The following WDR86 variants were observed in gnomAD, a reference collection of about 807,000 sequenced individuals.
The protein encoded by WDR86 is WD repeat domain 86.
In WDR86, 30 loss-of-function variants were observed where a neutral mutation model predicts 36.5. That is an observed-to-expected ratio of 0.82 (90% confidence interval 0.61 to 1.11). The LOEUF (loss-of-function observed/expected upper bound fraction) is 1.11, where lower values mean the gene tolerates loss of function less well. Ranked by LOEUF, WDR86 falls within the 50% of genes most tolerant of loss-of-function variation. The pLI is 0.00. For missense variants in WDR86, 545 were observed against 561.2 expected (o/e 0.97, Z 0.29); for synonymous variants, 255 against 252.9 (o/e 1.01, Z -0.08).
chr7:151,393,189 CTGTGTTCACACG>C (rs929683623), intron 3 of WDR86, among the ~76,000 whole-genome samples: 12 of 152,326 alleles, frequency 7.9e-5, no homozygotes, highest in East Asian at 3.9e-4. Context: ...CGTGGCTTGT[CTGTGTTCACACG>C]TGTGTTCACA....
intron 4 of WDR86, among the ~76,000 whole-genome samples, chr7:151,383,676 C>T (rs1167726935): frequency 6.6e-6 from 1 of 152,178 alleles, no homozygotes; most frequent in African/African-American, 2.4e-5. Context: ...AGTTTCATTT[C>T]TGGGTCTCTT....
Position 151,400,222 on chromosome 7 carries a change from G to A in WDR86, c.183C>T (p.Thr61=). ...ALLQGHESYV[T]FCQLEDEAAF... is the part of the protein sequence containing the mutation. ...CAGCCTCATCCTCCAGCTGGCAGAAGGTCACATAGCTTTCATGTCCTGCAG... is the reference window on the plus strand; with the variant it reads ...CAGCCTCATCCTCCAGCTGGCAGAAAGTCACATAGCTTTCATGTCCTGCAG... Residue 61 remains threonine, a synonymous_variant, in exon 2 of 6, where the codon ACC becomes ACT. Transcript: ENST00000334493. 2 of 1,610,098 alleles carry A rather than the reference G, an allele frequency of 1.2e-6. No individual in the cohort carries two copies. Among genetic ancestry groups the A allele is most frequent in the Non-Finnish European group, 8.5e-7 (1 of 1,178,142 alleles).
intron 1 of WDR86, among the ~76,000 whole-genome samples, chr7:151,404,885 G>T (rs550194859): frequency 6.6e-4 from 101 of 152,260 alleles, no homozygotes; most frequent in African/African-American, 2.3e-3. Context: ...GGTCTCTGCC[G>T]GCGGTGGGCT....
chr7:151,376,809 C>T (rs1423919871), downstream of WDR86: 1 of 1,580,452 alleles, frequency 6.3e-7, no homozygotes, highest in East Asian at 2.3e-5. Flanking sequence ...TCTGACTCCG[C>T]AGGTAGGTCT....
chr7:151,397,752 G>A (rs79706413), intron 2 of WDR86, among the ~76,000 whole-genome samples: 42 of 94,716 alleles, frequency 4.4e-4, no homozygotes, highest in Admixed American at 7.6e-4. Context: ...GGAAGAGGGT[G>A]TAGCGGGAGG....
rs554518002 is a variant in WDR86, at chr7:151,381,498, G to C, written c.*84C>G. Reference sequence around the variant, plus strand: ...CGCTCCTCGCCCCTCGCCGGCCATCGGGCGCCACCACCGCGGGTAGCAGGG... The same window carrying C: ...CGCTCCTCGCCCCTCGCCGGCCATCCGGCGCCACCACCGCGGGTAGCAGGG... On this transcript the variant is annotated 3_prime_UTR_variant, in exon 6 of 6. Coordinates refer to ENST00000334493, the MANE Select transcript of WDR86 (RefSeq NM_198285.3). The surrounding 1 kb of genome is among the most constrained non-coding windows in gnomAD (Gnocchi z 4.8). 6.3e-4 allele frequency: 920 copies of C among 1,457,492 alleles called. 6 individuals carry two copies. The African/African-American group carries it at 0.011, about 18-fold the overall frequency. The allele number at this position is 1,457,492 out of a possible 1,614,324, so 90.3% of individuals were successfully genotyped here.
At chr7:151,372,733 G>T (rs1370692454), downstream of WDR86, among the ~76,000 whole-genome samples, 1 of 152,148 alleles carries the variant, frequency 6.6e-6, no homozygotes, top group Non-Finnish European at 1.5e-5. Context: ...GTCAGGAGCT[G>T]CTGCGGGCTT....
At chr7:151,369,975 T>TC in the WDR86 span, among the ~76,000 whole-genome samples, 2 of 152,206 alleles carry the variant, frequency 1.3e-5, no homozygotes, top group African/African-American at 4.8e-5. Context: ...ACAGGGTTTC[T>TC]CCTTTTACAA....
downstream of WDR86, chr7:151,375,908 C>T (rs779861111): frequency 2.4e-5 from 38 of 1,613,008 alleles, no homozygotes; most frequent in East Asian, 3.6e-4. Context: ...AACCGACAAC[C>T]GTCAAGAAAG....
chr7:151,407,733 C>T (rs1266988376), intron 1 of WDR86, among the ~76,000 whole-genome samples: 1 of 152,102 alleles, frequency 6.6e-6, no homozygotes, highest in Non-Finnish European at 1.5e-5. Context: ...CCCAGCTATT[C>T]AGGAGGCCAA....
intron 3 of WDR86, among the ~76,000 whole-genome samples, chr7:151,391,459 G>A (rs1232830164): frequency 6.6e-6 from 1 of 152,160 alleles, no homozygotes; most frequent in Non-Finnish European, 1.5e-5. Context: ...ATATACAAGG[G>A]AAGAGAAAGG....
At chr7:151,378,572 A>G (rs1211922402), downstream of WDR86, 1 of 152,004 alleles carries the variant, frequency 6.6e-6, no homozygotes, top group Non-Finnish European at 1.5e-5. Flanking sequence ...TTGTGAGGAG[A>G]TGATGGAAGG....
At chr7:151,389,116 TC>T (rs1799206642) in intron 3 of WDR86, among the ~76,000 whole-genome samples, 1 of 122,488 alleles carries the variant, frequency 8.2e-6, no homozygotes, top group Admixed American at 1.0e-4. Context: ...TTCTTTTCTT[TC>T]CTTTTTTTTT....
chr7:151,391,465 A>G (rs890846712), intron 3 of WDR86, among the ~76,000 whole-genome samples: 9 of 152,156 alleles, frequency 5.9e-5, no homozygotes, highest in Non-Finnish European at 1.3e-4. Context: ...AAGGGAAGAG[A>G]AAGGCAAGAT....
chr7:151,387,777 G>A (rs1184349067), intron 3 of WDR86, among the ~76,000 whole-genome samples: 2 of 152,198 alleles, frequency 1.3e-5, no homozygotes, highest in African/African-American at 4.8e-5. Flanking sequence ...AGAGTGTCGG[G>A]GGACGCACCA....
At chr7:151,369,502 A>C in the WDR86 span, among the ~76,000 whole-genome samples, 1 of 152,220 alleles carries the variant, frequency 6.6e-6, no homozygotes, top group African/African-American at 2.4e-5. Context: ...TTGCCTAGAA[A>C]CATAAGTCAA....
intron 3 of WDR86, among the ~76,000 whole-genome samples, chr7:151,389,090 T>C (rs1255713944): frequency 2.6e-5 from 4 of 151,252 alleles, no homozygotes; most frequent in African/African-American, 9.7e-5. Flanking sequence ...CAGTCAAAGG[T>C]ATTCTGCACC....
chr7:151,390,213 G>A lies in WDR86; in HGVS notation c.727-4990C>T, dbSNP rs1397165750. Among the ~76,000 whole-genome samples, 2 of 152,176 alleles carry A rather than the reference G, an allele frequency of 1.3e-5. No homozygotes were observed. The highest frequency in any genetic ancestry group is 2.9e-5 in the Non-Finnish European group (2 of 68,028). ...GCAGGGGAGGAGCTGGAGGGGAGGA[G>A]ATGAAAAGTCCCTGGTTCAGCCCTC... On this transcript the variant is annotated intron_variant, in intron 3 of 5. Coordinates refer to ENST00000334493, the MANE Select transcript of WDR86 (RefSeq NM_198285.3). The surrounding 1 kb of genome is among the most constrained non-coding windows in gnomAD (Gnocchi z 4.5).
intron 3 of WDR86, among the ~76,000 whole-genome samples, chr7:151,394,663 G>A (rs563310056): frequency 1.7e-4 from 26 of 152,358 alleles, no homozygotes; most frequent in Admixed American, 6.5e-4. Flanking sequence ...GGTCACGGTC[G>A]CGGCGGCTAA....
Sources: allele counts gnomAD v4.1 joint callset (sites outside exome capture counted in the v4.1 genomes callset), GRCh38; gene constraint gnomAD v4.1.1; non-coding constraint Gnocchi (gnomAD v3.1); transcripts MANE v1.5; gene names NCBI Gene and HGNC (gene_info 2026-07-23, HGNC 2026-07-21).